AOPEP: variants seen among roughly 807,000 people sequenced by gnomAD.
AOPEP encodes the protein aminopeptidase O (putative).
A neutral mutation model predicts 98.1 loss-of-function variants in AOPEP; 77 were observed. That is an observed-to-expected ratio of 0.78 (90% CI 0.65 to 0.95). The LOEUF (loss-of-function observed/expected upper bound fraction) is 0.95. Among genes scored for constraint, AOPEP ranks in the 40% least tolerant of loss-of-function variants. AOPEP has a pLI of 0.00. For missense variants in AOPEP, 1,024 were observed against 1,024.7 expected (o/e 1.00, Z 0.01); for synonymous variants, 346 against 365.3 (o/e 0.95, Z 0.60).
intron 5 of AOPEP, among the ~76,000 whole-genome samples, chr9:94,819,510 T>C (rs761176255): frequency 1.3e-5 from 2 of 152,246 alleles, no homozygotes; most frequent in African/African-American, 4.8e-5. Context: ...ATAGTAACTG[T>C]GTGTCTTGGT....
At chr9:94,851,100 G>A (rs1467504170) in intron 5 of AOPEP, among the ~76,000 whole-genome samples, 1 of 152,244 alleles carries the variant, frequency 6.6e-6, no homozygotes, top group Non-Finnish European at 1.5e-5. Flanking sequence ...ATACTTGGAG[G>A]TGCCCATCCC....
At chr9:94,835,195 G>A (rs982033901) in intron 5 of AOPEP, among the ~76,000 whole-genome samples, 5 of 152,176 alleles carry the variant, frequency 3.3e-5, no homozygotes, top group African/African-American at 4.8e-5. Flanking sequence ...TTCATTGTGC[G>A]TAAGTGGGCA....
At chr9:95,020,947 T>C (rs944756154) in intron 13 of AOPEP, among the ~76,000 whole-genome samples, 2 of 122,944 alleles carry the variant, frequency 1.6e-5, no homozygotes, top group Non-Finnish European at 3.5e-5. Flanking sequence ...GACATAAGCA[T>C]GACCAGATAA....
At chr9:95,093,751 C>A in the AOPEP span, among the ~76,000 whole-genome samples, 1 of 152,156 alleles carries the variant, frequency 6.6e-6, no homozygotes, top group Non-Finnish European at 1.5e-5. Flanking sequence ...TAGATTGGCA[C>A]GTACATAACG....
chr9:94,853,648 T>A (rs2043829637), intron 5 of AOPEP, among the ~76,000 whole-genome samples: 2 of 152,188 alleles, frequency 1.3e-5, no homozygotes, highest in African/African-American at 4.8e-5. Context: ...AAATGTTGAA[T>A]TTGAGATTCT....
intron 10 of AOPEP, among the ~76,000 whole-genome samples, chr9:94,975,332 C>A (rs762930991): frequency 9.2e-5 from 14 of 152,192 alleles, no homozygotes; most frequent in Non-Finnish European, 1.6e-4. Context: ...GTCTGGCACA[C>A]AGTAGGTGTT....
intron 1 of AOPEP, among the ~76,000 whole-genome samples, chr9:94,737,749 G>A (rs148389409): frequency 2.6e-5 from 4 of 152,314 alleles, no homozygotes; most frequent in African/African-American, 4.8e-5. Flanking sequence ...AACAAGATGT[G>A]GTGTGCTTAA....
intron 10 of AOPEP, among the ~76,000 whole-genome samples, chr9:94,969,442 A>G (rs2059403012): frequency 7.3e-6 from 1 of 137,100 alleles, no homozygotes; most frequent in African/African-American, 2.8e-5. Flanking sequence ...GAGGAGTCTT[A>G]CTCTGTCACC....
At chr9:94,905,833 C>T (rs552592049) in intron 5 of AOPEP, among the ~76,000 whole-genome samples, 1 of 152,110 alleles carries the variant, frequency 6.6e-6, no homozygotes, top group African/African-American at 2.4e-5. Context: ...GCAGTCAAGA[C>T]ACTGAGGGAA....
intron 5 of AOPEP, among the ~76,000 whole-genome samples, chr9:94,899,853 A>T (rs778229777): frequency 6.6e-5 from 10 of 152,228 alleles, no homozygotes; most frequent in Non-Finnish European, 1.2e-4. Flanking sequence ...TTTTAGACGT[A>T]GGTTGCTTGA....
chr9:94,738,562 GA>G (rs1040051533), intron 1 of AOPEP, among the ~76,000 whole-genome samples: 1 of 151,862 alleles, frequency 6.6e-6, no homozygotes, highest in Non-Finnish European at 1.5e-5. Flanking sequence ...AAGGACACGA[GA>G]AAAAAAATTA....
chr9:95,110,331 T>C, the AOPEP span: 3 of 1,017,312 alleles, frequency 2.9e-6, no homozygotes, highest in African/African-American at 5.1e-5. Flanking sequence ...ACTTAGCTTA[T>C]TCAGAATCAA....
At chr9:94,730,128 CA>C (rs1830168396) in intron 1 of AOPEP, among the ~76,000 whole-genome samples, 1 of 151,954 alleles carries the variant, frequency 6.6e-6, no homozygotes. Flanking sequence ...ACTAAAAATA[CA>C]AAAAATTAGC....
At chr9:94,848,457 A>AG (rs1230785521) in intron 5 of AOPEP, among the ~76,000 whole-genome samples, 2 of 150,406 alleles carry the variant, frequency 1.3e-5, no homozygotes, top group Non-Finnish European at 3.0e-5. Flanking sequence ...GTCTCAAAAA[A>AG]AAAAAAAAAA....
chr9:95,011,211 ATTTTTTTTT>A (rs71366270), intron 13 of AOPEP, among the ~76,000 whole-genome samples: 7 of 112,788 alleles, frequency 6.2e-5, no homozygotes, highest in Non-Finnish European at 7.6e-5. Flanking sequence ...CTAGCCATTG[ATTTTTTTTT>A]TTTTTTTTTT....
chr9:95,008,506 G>A (rs117182547), intron 13 of AOPEP, among the ~76,000 whole-genome samples: 166 of 152,312 alleles, frequency 1.1e-3, no homozygotes, highest in Non-Finnish European at 1.9e-3. Flanking sequence ...TCTCGAAGGT[G>A]CTGAGTAGTA....
intron 11 of AOPEP, among the ~76,000 whole-genome samples, chr9:94,998,057 G>C (rs73657024): frequency 0.012 from 1,882 of 152,130 alleles, 36 homozygotes; most frequent in African/African-American, 0.038. Context: ...AACTGCAGTT[G>C]TAACAGGCAT....
chr9:94,985,639 A>AT (rs1253020878), intron 11 of AOPEP, among the ~76,000 whole-genome samples: 2 of 152,226 alleles, frequency 1.3e-5, no homozygotes, highest in Non-Finnish European at 2.9e-5. Context: ...GAGAAAGTAT[A>AT]TTTTTCAAAT....
chr9:94,805,193 G>A (rs1249205354), intron 5 of AOPEP, among the ~76,000 whole-genome samples: 4 of 150,954 alleles, frequency 2.6e-5, no homozygotes, highest in South Asian at 2.1e-4. Context: ...TCTTGGGACC[G>A]TAGATACCTA....
Sources: gnomAD v4.1 joint callset for allele counts (sites outside exome capture counted in the v4.1 genomes callset) on GRCh38, gnomAD v4.1.1 for gene constraint, MANE v1.5 for transcripts, NCBI Gene and HGNC (gene_info 2026-07-23, HGNC 2026-07-21) for gene names.